The following NFASC variants were observed in gnomAD, a reference collection of about 807,000 sequenced individuals.
NFASC encodes the protein neurofascin.
NFASC carries 43 observed loss-of-function variants against 147.5 expected under a neutral mutation model. That is an observed-to-expected ratio of 0.29 (90% CI 0.23 to 0.38). NFASC has a LOEUF of 0.38. NFASC is among the 10% of genes least tolerant of loss of function. The pLI is 1.00. For synonymous variants in NFASC, 622 were observed against 665.5 expected (o/e 0.93, Z 1.01); for missense variants, 1,320 against 1,689.0 (o/e 0.78, Z 3.83).
rs1395480553 is a variant in NFASC at position 204,828,802 on chromosome 1, G to A, written c.-200+20G>A. On this transcript the variant is annotated intron_variant, in intron 1 of 29. Transcript: ENST00000339876. The stretch of plus-strand genomic sequence containing the variant: ...TTGGAGGTAGGCGAGCGCGAACACC[G>A]GAGAGATGGGGGTAGAGAGTCATGG... 19 of 985,182 alleles carry A rather than the reference G, an allele frequency of 1.9e-5. No individual in the cohort carries two copies. The highest frequency in any genetic ancestry group is 2.2e-5 in the Non-Finnish European group (18 of 829,908). 61.0% of individuals were successfully genotyped at this position (985,182 alleles called of 1,614,324 possible). A position where few individuals can be genotyped will look rare whatever the true frequency, so the allele number is the denominator to read the frequency against.
intron 17 of NFASC, among the ~76,000 whole-genome samples, chr1:204,978,755 G>A (rs568425662): frequency 6.6e-5 from 8 of 121,428 alleles, no homozygotes; most frequent in African/African-American, 2.5e-4. Context: ...TATTCTTTGT[G>A]GGGGGGGGCT....
chr1:204,932,233 C>T (rs2092425301), intron 2 of NFASC, among the ~76,000 whole-genome samples: 1 of 152,196 alleles, frequency 6.6e-6, no homozygotes, highest in Non-Finnish European at 1.5e-5. Flanking sequence ...AAAGTAAAAA[C>T]AGCTTTATGT....
rs2096402183 is a variant in NFASC at position 205,021,799 on chromosome 1, A to T, written c.*5260A>T. 6.5e-6 allele frequency: 1 copy of T among 153,030 alleles called. No individual in the cohort carries two copies. Among genetic ancestry groups the T allele is most frequent in the Admixed American group, 6.5e-5 (1 of 15,292 alleles). 9.5% of individuals were successfully genotyped at this position (153,030 alleles called of 1,614,324 possible). A position where few individuals can be genotyped will look rare whatever the true frequency, so the allele number is the denominator to read the frequency against. On this transcript the variant is annotated 3_prime_UTR_variant, in exon 30 of 30. Transcript: ENST00000339876. ...CAGGATTGTTTCTGAGACCAAGATC[A>T]GTCTGTCTGTGATCAGCCTGTGTGT...
chr1:204,902,019 T>TAA (rs780259620), intron 1 of NFASC, among the ~76,000 whole-genome samples: 2 of 151,190 alleles, frequency 1.3e-5, no homozygotes, highest in Middle Eastern at 3.4e-3. Context: ...CCAGTTTCTC[T>TAA]AAAAAAAAAG....
chr1:204,976,871 C>T (rs1396691044), intron 16 of NFASC, 76 bp downstream of exon 16: 66 of 1,560,818 alleles, frequency 4.2e-5, no homozygotes, highest in Non-Finnish European at 5.3e-5. Flanking sequence ...TGGCCCGGGG[C>T]AGTTCCGAGG....
chr1:204,906,731 G>A (rs2085989379), intron 1 of NFASC, among the ~76,000 whole-genome samples: 1 of 151,318 alleles, frequency 6.6e-6, no homozygotes, highest in Non-Finnish European at 1.5e-5. Flanking sequence ...TGCCCAGGCT[G>A]GAGTGCAGTG....
At chr1:204,981,723 C>G in intron 20 of NFASC, 75 bp from the exon 21 acceptor site, 1 of 973,124 alleles carries the variant, frequency 1.0e-6, no homozygotes, top group East Asian at 2.7e-5. Flanking sequence ...CCTGGCACAG[C>G]AAGAGAGGGC....
chr1:204,961,898 CT>C (rs1211603863), intron 8 of NFASC, among the ~76,000 whole-genome samples: 1 of 152,174 alleles, frequency 6.6e-6, no homozygotes, highest in East Asian at 1.9e-4. Context: ...AGGATTTAAC[CT>C]TTTTTTCTCC....
Position 204,952,043 on chromosome 1 carries a change from G to A in NFASC, c.142G>A (p.Ala48Thr). 6.2e-7 allele frequency: 1 copy of A among 1,614,162 alleles called. No homozygotes were observed. The highest frequency in any genetic ancestry group is 8.5e-7 in the Non-Finnish European group (1 of 1,180,030). ...GCCGCCAACCATCACCAAGCAGTCA[G>A]CGAAGGATCACATCGTGGACCCCCG... ...TQPPTITKQS[A>T]KDHIVDPRDN... The change falls in exon 5 of 30, where the codon GCG (alanine) becomes ACG (threonine). Residue 48 changes from alanine (A) to threonine (T), a missense_variant. By Grantham distance (58) the Ala-to-Thr change is moderately conservative. Transcript: ENST00000339876.
At chr1:204,833,414 T>C (rs1282165108) in intron 1 of NFASC, among the ~76,000 whole-genome samples, 2 of 152,294 alleles carry the variant, frequency 1.3e-5, no homozygotes, top group Admixed American at 6.5e-5. Context: ...CTTCAAAGCC[T>C]GTGCTCCTCT....
At position 204,988,628 on chromosome 1, in the gene NFASC, C is replaced by G. The variant is rs2095662182; in HGVS notation, c.2594-5C>G. The G allele has an allele frequency of 1.2e-6, 2 of 1,613,714 alleles. No individual in the cohort carries two copies. The highest frequency in any genetic ancestry group is 1.3e-5 in the African/African-American group (1 of 75,040). On this transcript the variant is annotated splice_region_variant and splice_polypyrimidine_tract_variant and intron_variant, in intron 22 of 29. Coordinates refer to ENST00000339876, the MANE Select transcript of NFASC (RefSeq NM_001005388.3). ...GTTTAATTCCACTTACCTCTCTCTC[C>G]CCAGTTAACGGGACCAAAGTAGGAA...
At chr1:204,888,060 C>G (rs2081657641) in intron 1 of NFASC, among the ~76,000 whole-genome samples, 1 of 152,210 alleles carries the variant, frequency 6.6e-6, no homozygotes. Context: ...CTGTTATTCA[C>G]AGTTCATGGC....
chr1:205,003,160 G>T (rs2802839), intron 27 of NFASC, among the ~76,000 whole-genome samples: 89,560 of 151,938 alleles, frequency 0.59, 27,235 homozygotes, highest in East Asian at 0.76. Flanking sequence ...GATAGGGCCA[G>T]CGCAGGGCCT....
rs893785685 is a variant in NFASC at position 204,987,685 on chromosome 1, A to G, written c.2593+145A>G. 21 of 899,402 alleles carry G rather than the reference A, an allele frequency of 2.3e-5. No individual in the cohort carries two copies. Among genetic ancestry groups the G allele is most frequent in the South Asian group, 2.2e-4 (14 of 64,390 alleles). 55.7% of individuals were successfully genotyped at this position (899,402 alleles called of 1,614,324 possible). ...GGAGGGGCCAACGAAACAGTTCCCA[A>G]TAGGATTAGGGGAGGCAGATGGGAC... On this transcript the variant is annotated intron_variant, in intron 22 of 29. Transcript: ENST00000339876. The surrounding 1 kb of genome is among the most constrained non-coding windows in gnomAD (Gnocchi z 4.4).
chr1:204,920,098 T>C (rs1429006658), intron 1 of NFASC, among the ~76,000 whole-genome samples: 1 of 152,262 alleles, frequency 6.6e-6, no homozygotes, highest in Non-Finnish European at 1.5e-5. Flanking sequence ...CATAGAGAAG[T>C]GTCCTACTCT....
intron 7 of NFASC, among the ~76,000 whole-genome samples, chr1:204,956,972 C>T (rs1294789569): frequency 2.0e-5 from 3 of 151,758 alleles, no homozygotes; most frequent in Non-Finnish European, 2.9e-5. Flanking sequence ...ATTAATCAGA[C>T]ATTTTCATAT....
chr1:204,932,579 C>T (rs1170609177), intron 2 of NFASC, among the ~76,000 whole-genome samples: 2 of 152,134 alleles, frequency 1.3e-5, no homozygotes, highest in African/African-American at 2.4e-5. Flanking sequence ...TAGCAAACTA[C>T]AGCCTCTGGG....
At chr1:204,890,592 TG>T (rs1251455224) in intron 1 of NFASC, among the ~76,000 whole-genome samples, 1 of 148,376 alleles carries the variant, frequency 6.7e-6, no homozygotes, top group Non-Finnish European at 1.5e-5. Flanking sequence ...TTTTTTGAGA[TG>T]GAGTCTCACT....
At chr1:204,899,625 C>T (rs1387408911) in intron 1 of NFASC, among the ~76,000 whole-genome samples, 4 of 152,198 alleles carry the variant, frequency 2.6e-5, no homozygotes, top group Non-Finnish European at 4.4e-5. Context: ...GCTCCCCTGG[C>T]AGCCGTGACT....
Sources: gnomAD v4.1 joint callset for allele counts (sites outside exome capture counted in the v4.1 genomes callset) on GRCh38, gnomAD v4.1.1 for gene constraint, Gnocchi (gnomAD v3.1) non-coding constraint, MANE v1.5 for transcripts, NCBI Gene and HGNC (gene_info 2026-07-23, HGNC 2026-07-21) for gene names.